The following LRP2 variants were observed in gnomAD, a reference collection of about 807,000 sequenced individuals.
The protein encoded by LRP2 is low-density lipoprotein receptor-related protein 2.
A neutral mutation model predicts 531.0 loss-of-function variants in LRP2; 172 were observed. The ratio of observed to expected loss-of-function variants is 0.32; its 90% CI spans 0.29 to 0.37. The LOEUF (loss-of-function observed/expected upper bound fraction) is 0.37, where lower values mean the gene tolerates loss of function less well. LRP2 is among the 10% of genes least tolerant of loss of function. The pLI is 1.00. For missense variants in LRP2, 5,167 were observed against 5,868.3 expected (o/e 0.88, Z 3.90); for synonymous variants, 1,992 against 2,027.6 (o/e 0.98, Z 0.47).
At position 169,226,518 on chromosome 2, in the gene LRP2, C is replaced by A; in HGVS notation, c.5298G>T (p.Lys1766Asn). 1 of 1,613,068 alleles carries A rather than the reference C, an allele frequency of 6.2e-7. No homozygotes were observed. The highest frequency in any genetic ancestry group is 8.5e-7 in the Non-Finnish European group (1 of 1,179,112). Residue 1766 changes from lysine to asparagine, a missense_variant, in exon 32 of 79, where the codon AAG becomes AAT. Physicochemically the swap from Lys to Asn is moderately conservative, Grantham distance 94. Coordinates refer to ENST00000649046, the MANE Select transcript of LRP2 (RefSeq NM_004525.3). ...CTATGGGGACCATAGCATCATTGCT[C>A]TTCACCTCAGGATTAAGGGAGATTC... ...IFGISLNPEV[K>N]SNDAMVPIAG...
Position 169,128,470 on chromosome 2 carries a change from C to T in LRP2, c.*193G>A, listed in dbSNP as rs1197082792. On this transcript the variant is annotated 3_prime_UTR_variant, in exon 79 of 79. Coordinates refer to ENST00000649046, the MANE Select transcript of LRP2 (RefSeq NM_004525.3). The stretch of plus-strand genomic sequence containing the variant: ...TCAGTGCAAAGATATACATATAGTA[C>T]ATTGTGATAATTATTTGTAAAAATA... The T allele has an allele frequency of 1.0e-5, 6 of 577,584 alleles. No individual in the cohort carries two copies. In the Admixed American group the frequency reaches 1.5e-4, roughly 14 times the overall value. 35.8% of individuals were successfully genotyped at this position (577,584 alleles called of 1,614,324 possible).
At chr2:169,312,274 G>C (rs1232416842) in intron 3 of LRP2, among the ~76,000 whole-genome samples, 1 of 152,064 alleles carries the variant, frequency 6.6e-6, no homozygotes, top group Non-Finnish European at 1.5e-5. Flanking sequence ...TTGCTCGTTA[G>C]TTGATGCAGT....
intron 57 of LRP2, among the ~76,000 whole-genome samples, chr2:169,172,388 T>G (rs1687039033): frequency 6.6e-6 from 1 of 152,172 alleles, no homozygotes; most frequent in Admixed American, 6.5e-5. Context: ...GGTTTGTAAT[T>G]TGCAACAAAG....
intron 40 of LRP2, 43 bp downstream of exon 40, chr2:169,205,980 G>C: frequency 6.2e-7 from 1 of 1,613,126 alleles, no homozygotes; most frequent in Non-Finnish European, 8.5e-7. Context: ...ATTTTTTCCA[G>C]AAATAAGCAG....
intron 1 of LRP2, among the ~76,000 whole-genome samples, chr2:169,327,755 T>TG (rs1187242894): frequency 2.2e-5 from 2 of 92,920 alleles, no homozygotes; most frequent in South Asian, 4.2e-4. Context: ...GGGAGGGAGG[T>TG]GGGGGGGTCA....
At position 169,327,140 on chromosome 2, in the gene LRP2, G is replaced by A. The variant is rs1171332712; in HGVS notation, c.80-6256C>T. Among the ~76,000 whole-genome samples the A allele has an allele frequency of 4.3e-5, 6 of 139,842 alleles. No individual in the cohort carries two copies. In the East Asian group the frequency reaches 6.4e-4, roughly 15 times the overall value. The allele number at this position is 139,842 out of a possible 152,430, so 91.7% of individuals were successfully genotyped here. ...CCCCATCCGGGAGGGAGGTGGGGGG[G>A]TCAGCCCCCCGCCCGGCCAGCCGCC... On this transcript the variant is annotated intron_variant, in intron 1 of 78. Coordinates refer to ENST00000649046, the MANE Select transcript of LRP2 (RefSeq NM_004525.3).
In LRP2 at chr2:169,247,371, C is replaced by T. The variant is rs1171080276; in HGVS notation, c.2908+7G>A. On this transcript the variant is annotated splice_region_variant and intron_variant, in intron 20 of 78. Transcript: ENST00000649046. ...AAAAATAAAAAAAACTGGGCAATCT[C>T]ACTCACCAGTCTGGATGTTGACATC... The T allele has an allele frequency of 6.2e-7, 1 of 1,614,062 alleles. No individual in the cohort carries two copies. Among genetic ancestry groups the T allele is most frequent in the Admixed American group, 1.7e-5 (1 of 60,026 alleles).
intron 13 of LRP2, among the ~76,000 whole-genome samples, chr2:169,277,004 G>A (rs769859840): frequency 6.6e-5 from 10 of 151,982 alleles, no homozygotes; most frequent in Admixed American, 1.3e-4. Context: ...GGACCAGCCT[G>A]GGAAACACGG....
Position 169,162,550 on chromosome 2 carries a change from T to A in LRP2, c.11809A>T (p.Asn3937Tyr). ...TTGTCATGTGGAATGCAATGCCCAT[T>A]GCCACACTTATATTCATATTCTGTA... is the stretch of plus-strand genomic sequence containing the variant. ...PCTEYEYKCG[N>Y]GHCIPHDNVC... The change falls in exon 63 of 79, where the codon AAT becomes TAT. Residue 3937 changes from asparagine to tyrosine, a missense_variant. Asn to Tyr is a moderately radical substitution (Grantham distance 143). Transcript: ENST00000649046. 6.2e-7 allele frequency: 1 copy of A among 1,614,200 alleles called. No individual in the cohort carries two copies. The highest frequency in any genetic ancestry group is 8.5e-7 in the Non-Finnish European group (1 of 1,180,006).
At chr2:169,237,465 A>G (rs1689648222) in intron 27 of LRP2, among the ~76,000 whole-genome samples, 178 bp from the exon 28 acceptor site, 1 of 152,188 alleles carries the variant, frequency 6.6e-6, no homozygotes, top group African/African-American at 2.4e-5. Flanking sequence ...TTTTCTGAGA[A>G]AAGTATACAA....
chr2:169,272,280 T>C (rs938264239), intron 15 of LRP2, among the ~76,000 whole-genome samples: 5 of 152,016 alleles, frequency 3.3e-5, no homozygotes, highest in Admixed American at 6.6e-5. Flanking sequence ...TGAATAGATG[T>C]GTAGGAAACC....
chr2:169,232,940 A>G lies in LRP2; in HGVS notation c.5098+471T>C, dbSNP rs184297565. On this transcript the variant is annotated intron_variant, in intron 30 of 78. Coordinates refer to ENST00000649046, the MANE Select transcript of LRP2 (RefSeq NM_004525.3). ...TCCCTCTCCCACCAGAAAGAACAGT[A>G]CGGATGCCAAGTCTTTCACCTAGAC... Among the ~76,000 whole-genome samples, 5 of 152,346 alleles carry G rather than the reference A, an allele frequency of 3.3e-5. No homozygotes were observed. The East Asian group carries it at 9.6e-4, about 29-fold the overall frequency.
rs1690473063 is a variant in LRP2 at position 169,259,800 on chromosome 2, C to A, written c.2321-583G>T. ...GAGTTATTATGCTTTCTTTTACCCT[C>A]TTTTTTCTTTTTTTCACTAAAGAAA... On this transcript the variant is annotated intron_variant, in intron 16 of 78. Coordinates refer to ENST00000649046, the MANE Select transcript of LRP2 (RefSeq NM_004525.3). Among the ~76,000 whole-genome samples the A allele has an allele frequency of 2.0e-5, 3 of 151,758 alleles. No homozygotes were observed. In the South Asian group the frequency reaches 6.2e-4, roughly 32 times the overall value.
chr2:169,275,277 G>T (rs1245400084), intron 13 of LRP2, 39 bp from the exon 14 acceptor site: 2 of 1,531,056 alleles, frequency 1.3e-6, no homozygotes, highest in South Asian at 2.3e-5. Flanking sequence ...CAATTTGTTA[G>T]TTTTGCTTTA....
chr2:169,361,355 TCTCTCTCTCTCTCTCTCTCTCC>T (rs1559092799), intron 1 of LRP2, among the ~76,000 whole-genome samples: 28 of 94,288 alleles, frequency 3.0e-4, no homozygotes, highest in African/African-American at 8.1e-4. Context: ...TCTCTGTCTC[TCTCTCTCTCTCTCTCTCTCTCC>T]CTCTCTCTCT....
intron 63 of LRP2, 53 bp from the exon 64 acceptor site, chr2:169,157,555 A>G: frequency 1.2e-6 from 2 of 1,603,544 alleles, no homozygotes; most frequent in Non-Finnish European, 8.5e-7. Context: ...AATAACAGTC[A>G]AGTGGTGTAT....
chr2:169,294,643 A>G lies in LRP2; in HGVS notation c.495T>C (p.Asp165=), dbSNP rs1423613998. 2 of 1,612,210 alleles carry G rather than the reference A, an allele frequency of 1.2e-6. No individual in the cohort carries two copies. Among genetic ancestry groups the G allele is most frequent in the Non-Finnish European group, 1.7e-6 (2 of 1,179,634 alleles). Residue 165 remains aspartate (D), a synonymous_variant, in exon 5 of 79, where the codon GAT becomes GAC. Transcript: ENST00000649046. The part of the protein sequence containing the change: ...GACYNTSQKC[D]WKVDCRDSSD... ...AGGAGTCCCTGCAATCAACTTTCCA[A>G]TCACACTTCTGACTGGTGTTATAGC...
chr2:169,293,395 G>T (rs1251016671), intron 6 of LRP2, among the ~76,000 whole-genome samples: 1 of 152,186 alleles, frequency 6.6e-6, no homozygotes, highest in Non-Finnish European at 1.5e-5. Context: ...AAACTTTCAG[G>T]CTGGGCGTGG....
intron 19 of LRP2, among the ~76,000 whole-genome samples, chr2:169,255,058 G>T (rs1690248928): frequency 2.0e-5 from 3 of 152,152 alleles, no homozygotes; most frequent in Admixed American, 2.0e-4. Flanking sequence ...TTCTATGCAT[G>T]TGAGAAAGTC....
Sources: allele counts gnomAD v4.1 joint callset (sites outside exome capture counted in the v4.1 genomes callset), GRCh38; gene constraint gnomAD v4.1.1; transcripts MANE v1.5; gene names NCBI Gene and HGNC (gene_info 2026-07-23, HGNC 2026-07-21).